Variants in CELF4 observed in about 807,000 individuals in gnomAD.
CELF4 encodes the protein CUGBP Elav-like family member 4.
CELF4 carries 18 observed loss-of-function variants against 59.9 expected under a neutral mutation model. The observed-to-expected ratio is 0.30, with a 90% CI of 0.21 to 0.45. The LOEUF is 0.45. CELF4 is among the 20% of genes least tolerant of loss of function. The pLI, the probability that CELF4 is intolerant of heterozygous loss-of-function variation, is 1.00. For missense variants in CELF4, 456 were observed against 689.0 expected (o/e 0.66, Z 3.79); for synonymous variants, 261 against 267.1 (o/e 0.98, Z 0.22).
At chr18:37,470,412 A>T (rs2099818127) in intron 2 of CELF4, among the ~76,000 whole-genome samples, 1 of 152,158 alleles carries the variant, frequency 6.6e-6, no homozygotes, top group Non-Finnish European at 1.5e-5. Flanking sequence ...CACTGAGCAC[A>T]CCCCATAATA....
chr18:37,335,861 TCTCCCTGGCATGGC>T (rs1414117233), intron 2 of CELF4, among the ~76,000 whole-genome samples: 4 of 152,072 alleles, frequency 2.6e-5, no homozygotes. Flanking sequence ...GACTGGTCAT[TCTCCCTGGCATGGC>T]CTCCAGCCCA....
intron 3 of CELF4, among the ~76,000 whole-genome samples, chr18:37,304,244 C>T (rs1372203760): frequency 1.3e-5 from 2 of 152,230 alleles, no homozygotes; most frequent in Non-Finnish European, 2.9e-5. Context: ...TTCACACAGG[C>T]TTGTGGAAGC....
At chr18:37,339,895 T>C (rs1344506612) in intron 2 of CELF4, among the ~76,000 whole-genome samples, 34 of 152,066 alleles carry the variant, frequency 2.2e-4, no homozygotes, top group Admixed American at 2.2e-3. Flanking sequence ...GCGCTGAACT[T>C]CCCAAGGTGC....
chr18:37,334,313 T>A (rs2097682932), intron 2 of CELF4, among the ~76,000 whole-genome samples: 2 of 152,140 alleles, frequency 1.3e-5, no homozygotes, highest in Admixed American at 6.5e-5. Flanking sequence ...AGCCCTGAGG[T>A]TTCAGTGTCT....
At chr18:37,356,940 C>T (rs1477114455) in intron 2 of CELF4, among the ~76,000 whole-genome samples, 3 of 152,158 alleles carry the variant, frequency 2.0e-5, no homozygotes, top group Non-Finnish European at 4.4e-5. Context: ...CTTCCTCTCC[C>T]AGAGGCCTGT....
At chr18:37,496,141 C>T (rs2154603699) in intron 1 of CELF4, among the ~76,000 whole-genome samples, 1 of 152,300 alleles carries the variant, frequency 6.6e-6, no homozygotes, top group Non-Finnish European at 1.5e-5. Context: ...AGCTGCAGCT[C>T]CTCAGTGTAA....
chr18:37,324,255 G>A (rs1361003018), intron 2 of CELF4, among the ~76,000 whole-genome samples: 4 of 152,152 alleles, frequency 2.6e-5, no homozygotes, highest in Non-Finnish European at 2.9e-5. Context: ...ATACAGTGAA[G>A]CCCTAACCCC....
At chr18:37,301,633 A>G (rs1158047156) in intron 3 of CELF4, among the ~76,000 whole-genome samples, 1 of 152,082 alleles carries the variant, frequency 6.6e-6, no homozygotes, top group Non-Finnish European at 1.5e-5. Flanking sequence ...CTCAGGTTCC[A>G]TGAGCCTGGA....
At chr18:37,304,247 G>A (rs181902948) in intron 3 of CELF4, among the ~76,000 whole-genome samples, 2 of 152,326 alleles carry the variant, frequency 1.3e-5, no homozygotes, top group East Asian at 3.9e-4. Context: ...ACACAGGCTT[G>A]TGGAAGCAAT....
At chr18:37,342,063 G>T (rs190990436) in intron 2 of CELF4, among the ~76,000 whole-genome samples, 218 of 152,120 alleles carry the variant, frequency 1.4e-3, no homozygotes, top group African/African-American at 5.1e-3. Flanking sequence ...CTCTCAGGTG[G>T]AGGACAGGAG....
At chr18:37,423,278 T>C (rs1020752369) in intron 2 of CELF4, among the ~76,000 whole-genome samples, 3 of 152,208 alleles carry the variant, frequency 2.0e-5, no homozygotes, top group African/African-American at 7.2e-5. Flanking sequence ...CCAGGTAGGC[T>C]GCCAGGGTCT....
At chr18:37,422,875 T>C (rs1382234323) in intron 2 of CELF4, among the ~76,000 whole-genome samples, 1 of 152,230 alleles carries the variant, frequency 6.6e-6, no homozygotes, top group Non-Finnish European at 1.5e-5. Flanking sequence ...AAATGACCCA[T>C]GAATGCTTCT....
Position 37,394,945 on chromosome 18 carries a change from G to A in CELF4, c.370-73064C>T, listed in dbSNP as rs907000725. 2.2e-4 allele frequency among the ~76,000 whole-genome samples: 8 copies of A among 36,700 alleles called. No homozygotes were observed. The South Asian group carries it at 2.5e-3, about 11-fold the overall frequency. The allele number at this position is 36,700 out of a possible 152,430, so 24.1% of individuals were successfully genotyped here. A position where few individuals can be genotyped will look rare whatever the true frequency, so the allele number is the denominator to read the frequency against. On this transcript the variant is annotated intron_variant, in intron 2 of 12. Transcript: ENST00000420428. ...AGCCTTCCTGCCATGCCCAAGACCCGCCCCCCACCCCCCACCCGGCCTCCA... is the reference window on the plus strand; with the variant it reads ...AGCCTTCCTGCCATGCCCAAGACCCACCCCCCACCCCCCACCCGGCCTCCA...
At chr18:37,449,018 G>A (rs1488464925) in intron 2 of CELF4, among the ~76,000 whole-genome samples, 1 of 152,208 alleles carries the variant, frequency 6.6e-6, no homozygotes, top group East Asian at 1.9e-4. Flanking sequence ...ACAGCATCAC[G>A]CTCCTTTGCC....
At chr18:37,433,525 C>T (rs2099677788) in intron 2 of CELF4, among the ~76,000 whole-genome samples, 1 of 152,228 alleles carries the variant, frequency 6.6e-6, no homozygotes, top group Admixed American at 6.5e-5. Context: ...ACACGGTAGG[C>T]AAATGATGGT....
chr18:37,556,235 C>T (rs1000343852), intron 1 of CELF4, among the ~76,000 whole-genome samples: 1 of 152,168 alleles, frequency 6.6e-6, no homozygotes, highest in Non-Finnish European at 1.5e-5. Flanking sequence ...CCAGAACTAG[C>T]CACTGGGAGG....
chr18:37,352,920 G>T (rs925812524), intron 2 of CELF4, among the ~76,000 whole-genome samples: 1 of 152,084 alleles, frequency 6.6e-6, no homozygotes. Flanking sequence ...CAGAGGCTGG[G>T]AGAACAAGAA....
At chr18:37,260,268 T>C (rs557073776) in intron 10 of CELF4, among the ~76,000 whole-genome samples, 2 of 152,346 alleles carry the variant, frequency 1.3e-5, no homozygotes, top group South Asian at 4.1e-4. Context: ...GCTTTAGCTT[T>C]CTAAAATTCC....
In CELF4 at chr18:37,366,435, T is replaced by C. The variant is rs2154562670; in HGVS notation, c.370-44554A>G. On this transcript the variant is annotated intron_variant, in intron 2 of 12. Transcript: ENST00000420428. ...TCCCACTAGATGGCTCCTATTCCAT[T>C]TTTGCAAGCAAAGCACTGAGGCTGA... is the stretch of plus-strand genomic sequence containing the variant. 1.3e-5 allele frequency among the ~76,000 whole-genome samples: 2 copies of C among 152,262 alleles called. 1 individual carries two copies. The highest frequency in any genetic ancestry group is 4.1e-4 in the South Asian group (2 of 4,828).
Sources: allele counts gnomAD v4.1 joint callset (sites outside exome capture counted in the v4.1 genomes callset), GRCh38; gene constraint gnomAD v4.1.1; transcripts MANE v1.5; gene names NCBI Gene and HGNC (gene_info 2026-07-23, HGNC 2026-07-21).